The following RERE variants were observed in gnomAD, a reference collection of about 807,000 sequenced individuals.
RERE encodes the protein arginine-glutamic acid dipeptide repeats protein.
Under a neutral mutation model 146.1 loss-of-function variants are expected in RERE, and 40 were observed. The ratio of observed to expected loss-of-function variants is 0.27; its 90% confidence interval spans 0.21 to 0.36. The LOEUF (loss-of-function observed/expected upper bound fraction) is 0.36. RERE is among the 10% of genes least tolerant of loss of function. RERE has a pLI of 1.00. For synonymous variants in RERE, 1,003 were observed against 866.0 expected (o/e 1.16, Z -2.78); for missense variants, 1,933 against 2,138.7 (o/e 0.90, Z 1.90).
chr1:8,611,893 T>C (rs1196273528), intron 4 of RERE, among the ~76,000 whole-genome samples: 1 of 152,206 alleles, frequency 6.6e-6, no homozygotes, highest in Non-Finnish European at 1.5e-5. Flanking sequence ...TGGGCAATGT[T>C]ATCTTTGCCT....
intron 1 of RERE, among the ~76,000 whole-genome samples, chr1:8,788,364 T>G (rs1472282398): frequency 1.4e-5 from 2 of 145,796 alleles, no homozygotes; most frequent in African/African-American, 5.1e-5. Context: ...ATCAAGGAGT[T>G]TTTTTTTTTT....
chr1:8,458,596 C>T (rs890060951), intron 11 of RERE, among the ~76,000 whole-genome samples: 1 of 149,028 alleles, frequency 6.7e-6, no homozygotes. Flanking sequence ...CATATACATA[C>T]ACACACACGG....
At chr1:8,616,518 G>A (rs1340633446) in intron 3 of RERE, among the ~76,000 whole-genome samples, 5 of 152,026 alleles carry the variant, frequency 3.3e-5, no homozygotes, top group Admixed American at 6.5e-5. Flanking sequence ...GTAGATGGCT[G>A]CAAATATCAG....
At position 8,354,883 on chromosome 1, in the gene RERE, G is replaced by A. The variant is rs1641225571; in HGVS notation, c.*204C>T. ...TAAGTTTCTGGGGGACTGTCATGCA[G>A]GGAGATCCAAACCAGTCTCAGGAAA... On this transcript the variant is annotated 3_prime_UTR_variant, in exon 23 of 23. Transcript: ENST00000400908. 1 of 594,514 alleles carries A rather than the reference G, an allele frequency of 1.7e-6. No homozygotes were observed. The allele number at this position is 594,514 out of a possible 1,614,324, so 36.8% of individuals were successfully genotyped here. A position where few individuals can be genotyped will look rare whatever the true frequency, so the allele number is the denominator to read the frequency against.
intron 1 of RERE, among the ~76,000 whole-genome samples, chr1:8,801,028 G>A (rs977248541): frequency 2.0e-5 from 3 of 152,098 alleles, no homozygotes; most frequent in Non-Finnish European, 4.4e-5. Flanking sequence ...GGAGGCTGAG[G>A]TAGGTGGAGT....
chr1:8,816,942 G>A (rs1305311661), intron 1 of RERE, among the ~76,000 whole-genome samples: 2 of 152,090 alleles, frequency 1.3e-5, no homozygotes, highest in Non-Finnish European at 2.9e-5. Flanking sequence ...AGAGAGCAGG[G>A]GTCAGAAGGC....
intron 2 of RERE, among the ~76,000 whole-genome samples, chr1:8,644,840 G>A (rs1475201635): frequency 6.6e-6 from 1 of 152,122 alleles, no homozygotes; most frequent in South Asian, 2.1e-4. Context: ...ATAATTTTAG[G>A]AGTAAAAGGA....
At chr1:8,804,174 C>T (rs538728652) in intron 1 of RERE, among the ~76,000 whole-genome samples, 59 of 152,156 alleles carry the variant, frequency 3.9e-4, no homozygotes, top group Middle Eastern at 3.4e-3. Context: ...ATTATTCCTA[C>T]AATAATGAAT....
At chr1:8,406,157 G>A (rs2784738) in intron 12 of RERE, among the ~76,000 whole-genome samples, 29,659 of 152,076 alleles carry the variant, frequency 0.2, 3,391 homozygotes, top group Middle Eastern at 0.4. Flanking sequence ...GAGCGCAGTG[G>A]TGTGATCCCG....
At chr1:8,773,622 G>A (rs113096310) in intron 1 of RERE, among the ~76,000 whole-genome samples, 31 of 152,220 alleles carry the variant, frequency 2.0e-4, no homozygotes, top group African/African-American at 5.8e-4. Flanking sequence ...TGAGGAGTTC[G>A]AGACCAGCCT....
chr1:8,761,667 C>T (rs759699822), intron 1 of RERE, among the ~76,000 whole-genome samples: 8 of 152,274 alleles, frequency 5.3e-5, no homozygotes, highest in Non-Finnish European at 1.0e-4. Flanking sequence ...CCTGTAATCC[C>T]AGCATTTTGG....
chr1:8,649,594 G>A (rs1647501459), intron 2 of RERE, among the ~76,000 whole-genome samples: 1 of 151,950 alleles, frequency 6.6e-6, no homozygotes, highest in African/African-American at 2.4e-5. Context: ...GCCGGGCGTG[G>A]TGTCACACGC....
At chr1:8,503,411 A>G (rs187422365) in intron 8 of RERE, among the ~76,000 whole-genome samples, 25 of 152,314 alleles carry the variant, frequency 1.6e-4, no homozygotes, top group Middle Eastern at 6.8e-3. Context: ...AAAAACATCA[A>G]AATCTATATG....
chr1:8,709,104 T>C (rs868404190), intron 1 of RERE, among the ~76,000 whole-genome samples: 2 of 151,726 alleles, frequency 1.3e-5, no homozygotes, highest in African/African-American at 2.4e-5. Flanking sequence ...ATTTTTTTAG[T>C]AGAGACGGCG....
At chr1:8,779,957 G>A (rs868706110) in intron 1 of RERE, among the ~76,000 whole-genome samples, 3 of 152,192 alleles carry the variant, frequency 2.0e-5, no homozygotes, top group Middle Eastern at 3.4e-3. Context: ...TTGGGAGGTC[G>A]AGGCGGGCAG....
Position 8,458,574 on chromosome 1 carries a change from C to T in RERE, c.1203+7351G>A, listed in dbSNP as rs117270548. 3.9e-4 allele frequency among the ~76,000 whole-genome samples: 60 copies of T among 152,156 alleles called. No individual in the cohort carries two copies. The East Asian group carries it at 0.01, about 26-fold the overall frequency. On this transcript the variant is annotated intron_variant, in intron 11 of 22. Transcript: ENST00000400908. ...GTCTAAACACAGACGTGTGCGCATG[C>T]GCGCACACACACATATACATACACA...
At chr1:8,698,160 G>A (rs921058687) in intron 1 of RERE, among the ~76,000 whole-genome samples, 7 of 152,068 alleles carry the variant, frequency 4.6e-5, no homozygotes, top group African/African-American at 1.2e-4. Context: ...GATACAGATC[G>A]GCAGAATTTC....
intron 1 of RERE, among the ~76,000 whole-genome samples, chr1:8,661,504 T>C (rs1638456279): frequency 1.3e-5 from 2 of 152,088 alleles, no homozygotes; most frequent in African/African-American, 4.8e-5. Flanking sequence ...TGGCCGCTGA[T>C]AAAACCTCAA....
At chr1:8,683,367 T>C (rs1227923861) in intron 1 of RERE, among the ~76,000 whole-genome samples, 2 of 152,102 alleles carry the variant, frequency 1.3e-5, no homozygotes, top group Admixed American at 6.6e-5. Context: ...GGGCACCACT[T>C]AGTAGAATCT....
Sources: gnomAD v4.1 joint callset for allele counts (sites outside exome capture counted in the v4.1 genomes callset) on GRCh38, gnomAD v4.1.1 for gene constraint, MANE v1.5 for transcripts, NCBI Gene and HGNC (gene_info 2026-07-23, HGNC 2026-07-21) for gene names.